MYO1B: variants seen among roughly 807,000 people sequenced by gnomAD.
MYO1B encodes unconventional myosin-Ib.
A neutral mutation model predicts 159.7 loss-of-function variants in MYO1B; 72 were observed. The ratio of observed to expected loss-of-function variants is 0.45; its 90% CI spans 0.37 to 0.55. The LOEUF (loss-of-function observed/expected upper bound fraction) is 0.55, where lower values mean the gene tolerates loss of function less well. Ranked by LOEUF, MYO1B falls within the 20% of genes least tolerant of loss-of-function variation. The probability of loss-of-function intolerance (pLI) is 0.00; values close to 1 mark genes in which losing one functional copy is unlikely to be tolerated. For missense variants in MYO1B, 1,062 were observed against 1,364.8 expected (o/e 0.78, Z 3.50); for synonymous variants, 468 against 473.8 (o/e 0.99, Z 0.16).
intron 7 of MYO1B, among the ~76,000 whole-genome samples, chr2:191,358,366 A>G (rs1693436156): frequency 6.6e-6 from 1 of 152,212 alleles, no homozygotes; most frequent in Non-Finnish European, 1.5e-5. Flanking sequence ...AAACTCACCT[A>G]GTATCATGTT....
chr2:191,250,303 T>C (rs1686032900), intron 1 of MYO1B, among the ~76,000 whole-genome samples: 5 of 152,196 alleles, frequency 3.3e-5, no homozygotes, highest in Admixed American at 3.3e-4. Flanking sequence ...TTTTATTTCC[T>C]CCAATCTCCA....
intron 4 of MYO1B, among the ~76,000 whole-genome samples, chr2:191,332,641 T>G (rs1010646166): frequency 1.3e-5 from 2 of 152,208 alleles, no homozygotes; most frequent in African/African-American, 4.8e-5. Context: ...TTTTGTTATT[T>G]CAGTTTTTAT....
intron 30 of MYO1B, among the ~76,000 whole-genome samples, chr2:191,419,363 T>C (rs10202486): frequency 0.98 from 149,770 of 152,078 alleles, 73,788 homozygotes; most frequent in Middle Eastern, 1. Flanking sequence ...GGACTACAGC[T>C]GCCCGCCACC....
chr2:191,387,754 A>G (rs1695480934), intron 17 of MYO1B: 11 of 382,406 alleles, frequency 2.9e-5, no homozygotes, highest in Non-Finnish European at 5.3e-5. Context: ...ATGGCAAGTT[A>G]AAAAACAAAA....
chr2:191,348,498 T>A (rs902596123), intron 6 of MYO1B, among the ~76,000 whole-genome samples: 1 of 152,118 alleles, frequency 6.6e-6, no homozygotes, highest in Non-Finnish European at 1.5e-5. Context: ...AACCATTCTT[T>A]CCCTCCTTTG....
chr2:191,340,951 G>A (rs1174129933), intron 4 of MYO1B, among the ~76,000 whole-genome samples: 1 of 151,988 alleles, frequency 6.6e-6, no homozygotes, highest in Admixed American at 6.6e-5. Flanking sequence ...TCTCAACCTC[G>A]TGACCTCATG....
At chr2:191,335,825 A>G (rs115396564) in intron 4 of MYO1B, among the ~76,000 whole-genome samples, 139 of 152,316 alleles carry the variant, frequency 9.1e-4, no homozygotes, top group Non-Finnish European at 1.6e-3. Context: ...TGATGATGTT[A>G]TTGGTCTTAA....
chr2:191,415,569 GC>G (rs1410430096), intron 29 of MYO1B, among the ~76,000 whole-genome samples: 1 of 151,722 alleles, frequency 6.6e-6, no homozygotes, highest in Non-Finnish European at 1.5e-5. Flanking sequence ...CTCAGAGGGG[GC>G]ACAAGCATCA....
At chr2:191,376,156 T>C (rs903231847) in intron 13 of MYO1B, among the ~76,000 whole-genome samples, 2 of 152,202 alleles carry the variant, frequency 1.3e-5, no homozygotes, top group African/African-American at 4.8e-5. Flanking sequence ...TTCTTAAAAT[T>C]TGCTGTATTT....
At chr2:191,384,918 T>C (rs553737776) in intron 15 of MYO1B, among the ~76,000 whole-genome samples, 3 of 152,348 alleles carry the variant, frequency 2.0e-5, no homozygotes, top group African/African-American at 7.2e-5. Context: ...CTGGGGATGT[T>C]ATGAACACAC....
At chr2:191,284,609 CTT>C (rs1010095767) in intron 2 of MYO1B, among the ~76,000 whole-genome samples, 1 of 151,408 alleles carries the variant, frequency 6.6e-6, no homozygotes, top group African/African-American at 2.4e-5. Context: ...TCCAGAATCA[CTT>C]TTTTTTTGAG....
intron 1 of MYO1B, among the ~76,000 whole-genome samples, chr2:191,262,609 GCTT>G (rs67270589): frequency 0.36 from 54,993 of 151,076 alleles, 10,001 homozygotes; most frequent in Middle Eastern, 0.53. Context: ...GCTATGTAAT[GCTT>G]CTCTCTCCCC....
chr2:191,402,845 T>A, intron 24 of MYO1B, 127 bp downstream of exon 24: 1 of 665,792 alleles, frequency 1.5e-6, no homozygotes, highest in Non-Finnish European at 2.4e-6. Context: ...TCATCTTGCT[T>A]AATTTTGTAC....
At chr2:191,363,587 C>A in intron 9 of MYO1B, 141 bp from the exon 10 acceptor site, 1 of 1,153,962 alleles carries the variant, frequency 8.7e-7, no homozygotes, top group Non-Finnish European at 1.2e-6. Flanking sequence ...TTCCTCGAAT[C>A]ACAGTTGGAA....
At chr2:191,363,527 T>C (rs1330399952) in intron 9 of MYO1B, among the ~76,000 whole-genome samples, 2 of 152,114 alleles carry the variant, frequency 1.3e-5, no homozygotes, top group African/African-American at 4.8e-5. Context: ...TCTGTCTTCC[T>C]CTTTATGTGC....
chr2:191,374,487 A>AAAATGC (rs1237181148), intron 13 of MYO1B, among the ~76,000 whole-genome samples: 2 of 152,328 alleles, frequency 1.3e-5, no homozygotes, highest in East Asian at 3.9e-4. Context: ...AGTTCCCATG[A>AAAATGC]AAATGCCTTT....
At chr2:191,362,980 G>A (rs1182618770) in intron 9 of MYO1B, among the ~76,000 whole-genome samples, 1 of 152,200 alleles carries the variant, frequency 6.6e-6, no homozygotes, top group African/African-American at 2.4e-5. Flanking sequence ...TGTTGAGGGT[G>A]AGTGAAAGGA....
At chr2:191,324,667 A>G (rs185945885) in intron 3 of MYO1B, among the ~76,000 whole-genome samples, 64 of 152,298 alleles carry the variant, frequency 4.2e-4, no homozygotes, top group African/African-American at 1.4e-3. Context: ...TGGACTATTT[A>G]GGAATGTTTA....
At chr2:191,251,206 A>G (rs1686090619) in intron 1 of MYO1B, among the ~76,000 whole-genome samples, 1 of 152,054 alleles carries the variant, frequency 6.6e-6, no homozygotes. Context: ...TCAGGAATAG[A>G]TTGTCATCTG....
Sources: allele counts gnomAD v4.1 joint callset (sites outside exome capture counted in the v4.1 genomes callset), GRCh38; gene constraint gnomAD v4.1.1; transcripts MANE v1.5; gene names NCBI Gene and HGNC (gene_info 2026-07-23, HGNC 2026-07-21).